Variants in CPA6 observed in about 807,000 individuals in gnomAD.
CPA6 encodes the protein carboxypeptidase B.
Under a neutral mutation model 63.3 loss-of-function variants are expected in CPA6, and 58 were observed. The observed-to-expected ratio is 0.92, with a 90% CI of 0.74 to 1.14. The LOEUF is 1.14. Ranked by LOEUF, CPA6 falls within the 50% of genes most tolerant of loss-of-function variation. The pLI is 0.00. For synonymous variants in CPA6, 185 were observed against 179.0 expected (o/e 1.03, Z -0.27); for missense variants, 565 against 526.6 (o/e 1.07, Z -0.71).
chr8:67,440,102 G>A (rs945067642), intron 8 of CPA6, among the ~76,000 whole-genome samples: 6 of 152,092 alleles, frequency 3.9e-5, no homozygotes, highest in Admixed American at 1.3e-4. Context: ...ATTTATTCTC[G>A]TACAGTTCTT....
chr8:67,602,709 T>TG (rs2128983479), intron 2 of CPA6, among the ~76,000 whole-genome samples: 1 of 152,192 alleles, frequency 6.6e-6, no homozygotes, highest in South Asian at 2.1e-4. Context: ...CTGCTGAACT[T>TG]GGAGAGTTGG....
intron 1 of CPA6, among the ~76,000 whole-genome samples, chr8:67,737,044 C>T (rs1205551552): frequency 6.6e-6 from 1 of 152,206 alleles, no homozygotes; most frequent in East Asian, 1.9e-4. Context: ...GCCCTCCAAT[C>T]TTCCCTTTTC....
intron 2 of CPA6, among the ~76,000 whole-genome samples, chr8:67,549,713 C>T (rs1031743512): frequency 6.6e-6 from 1 of 152,156 alleles, no homozygotes; most frequent in Non-Finnish European, 1.5e-5. Flanking sequence ...TTAGATTCCT[C>T]ACATAAGTGG....
intron 2 of CPA6, among the ~76,000 whole-genome samples, chr8:67,580,641 T>G (rs562187463): frequency 3.2e-4 from 49 of 152,308 alleles, no homozygotes; most frequent in African/African-American, 1.2e-3. Context: ...TGTACGTACA[T>G]GCATGTGTGA....
At chr8:67,516,630 C>T (rs894573448) in intron 3 of CPA6, among the ~76,000 whole-genome samples, 14 of 152,230 alleles carry the variant, frequency 9.2e-5, no homozygotes, top group Admixed American at 9.2e-4. Flanking sequence ...ACATTCTAAT[C>T]CACCTTTAGA....
chr8:67,626,525 A>G (rs928006061), intron 1 of CPA6, among the ~76,000 whole-genome samples: 2 of 152,234 alleles, frequency 1.3e-5, no homozygotes, highest in African/African-American at 4.8e-5. Flanking sequence ...TGAAGTTCAT[A>G]TTTCTGGAAA....
At chr8:67,558,783 A>G (rs1042594840) in intron 2 of CPA6, among the ~76,000 whole-genome samples, 2 of 152,188 alleles carry the variant, frequency 1.3e-5, no homozygotes, top group African/African-American at 4.8e-5. Context: ...CACATCACAA[A>G]TCTTGCAGGA....
At chr8:67,484,410 A>G (rs1482990021) in intron 7 of CPA6, among the ~76,000 whole-genome samples, 1 of 152,160 alleles carries the variant, frequency 6.6e-6, no homozygotes, top group Non-Finnish European at 1.5e-5. Flanking sequence ...TATAGGCAAA[A>G]TTGAATGGGC....
chr8:67,549,922 A>ATTG (rs1812903370), intron 2 of CPA6, among the ~76,000 whole-genome samples: 1 of 152,174 alleles, frequency 6.6e-6, no homozygotes, highest in African/African-American at 2.4e-5. Context: ...TGTTGTGGCT[A>ATTG]TTGTAAATAA....
chr8:67,578,440 G>A (rs1402025029), intron 2 of CPA6, among the ~76,000 whole-genome samples: 2 of 152,102 alleles, frequency 1.3e-5, no homozygotes, highest in Non-Finnish European at 2.9e-5. Context: ...GGCTTGTCTT[G>A]GCTATTGGTT....
At chr8:67,560,602 C>G (rs1437328768) in intron 2 of CPA6, among the ~76,000 whole-genome samples, 1 of 152,128 alleles carries the variant, frequency 6.6e-6, no homozygotes. Context: ...ATTCTTTTCT[C>G]TTCCTTCTAG....
At chr8:67,549,488 A>G (rs541539271) in intron 2 of CPA6, among the ~76,000 whole-genome samples, 2 of 152,210 alleles carry the variant, frequency 1.3e-5, no homozygotes, top group African/African-American at 4.8e-5. Flanking sequence ...TGTGACAAAA[A>G]CACTTAACAT....
chr8:67,645,545 A>C (rs555763091), intron 1 of CPA6, among the ~76,000 whole-genome samples: 1 of 152,336 alleles, frequency 6.6e-6, no homozygotes, highest in Admixed American at 6.5e-5. Context: ...ATGAAGGCTG[A>C]TTTTCCTGAC....
In CPA6 at chr8:67,511,614, C is replaced by T. The variant is rs769090245; in HGVS notation, c.359G>A (p.Ser120Asn). ...EDLQKTLEKG[S>N]SLHTQRNRRS... is the part of the protein sequence containing the mutation. ...TCGGTTTCTCTGGGTGTGCAAGCTG[C>T]TTCCCTTCTCCAGTGTTTTCTGAAG... The change falls in exon 4 of 11, where the codon AGC becomes AAC. Residue 120 changes from serine to asparagine, a missense_variant. Coordinates refer to ENST00000297770, the MANE Select transcript of CPA6 (RefSeq NM_020361.5). 4 of 1,612,406 alleles carry T rather than the reference C, an allele frequency of 2.5e-6. No homozygotes were observed. The African/African-American group carries it at 5.3e-5, about 22-fold the overall frequency.
intron 1 of CPA6, among the ~76,000 whole-genome samples, chr8:67,703,499 A>G (rs141569792): frequency 2.2e-4 from 33 of 152,330 alleles, no homozygotes; most frequent in African/African-American, 7.2e-4. Context: ...GTATTCTGAA[A>G]TGGCCTTGTG....
intron 1 of CPA6, among the ~76,000 whole-genome samples, chr8:67,660,716 A>G (rs1352679912): frequency 3.3e-5 from 5 of 152,050 alleles, no homozygotes; most frequent in Middle Eastern, 3.2e-3. Flanking sequence ...GAAAATGCCA[A>G]GCAGCCTTTG....
At chr8:67,720,474 C>T (rs537932049) in intron 1 of CPA6, among the ~76,000 whole-genome samples, 1 of 151,768 alleles carries the variant, frequency 6.6e-6, no homozygotes, top group Non-Finnish European at 1.5e-5. Context: ...ATAGCTAAGC[C>T]ATGAAAATGA....
rs1816548234 is a variant in CPA6, at chr8:67,679,527, G to A, written c.117-55276C>T. Among the ~76,000 whole-genome samples, 3 of 152,150 alleles carry A rather than the reference G, an allele frequency of 2.0e-5. No individual in the cohort carries two copies. In the South Asian group the frequency reaches 6.2e-4, roughly 32 times the overall value. On this transcript the variant is annotated intron_variant, in intron 1 of 10. Transcript: ENST00000297770. ...AATTGACTCAAATATTACTATGCTT[G>A]TTACTACTCAAATATCATCAAAATG...
intron 2 of CPA6, among the ~76,000 whole-genome samples, chr8:67,588,352 G>A (rs777965364): frequency 3.9e-5 from 6 of 152,154 alleles, no homozygotes; most frequent in Admixed American, 1.3e-4. Flanking sequence ...ATACTACTGC[G>A]GGTAGGCCTA....
Sources: gnomAD v4.1 joint callset for allele counts (sites outside exome capture counted in the v4.1 genomes callset) on GRCh38, gnomAD v4.1.1 for gene constraint, MANE v1.5 for transcripts, NCBI Gene and HGNC (gene_info 2026-07-23, HGNC 2026-07-21) for gene names.